SHANK2: variants seen among roughly 807,000 people sequenced by gnomAD.
SHANK2 encodes SH3 and multiple ankyrin repeat domains 2.
Under a neutral mutation model 133.7 loss-of-function variants are expected in SHANK2, and 43 were observed. That is an observed-to-expected ratio of 0.32 (90% CI 0.25 to 0.41). The LOEUF (loss-of-function observed/expected upper bound fraction) is 0.41. Ranked by LOEUF, SHANK2 falls within the 10% of genes least tolerant of loss-of-function variation. The probability of loss-of-function intolerance (pLI) is 1.00; values close to 1 mark genes in which losing one functional copy is unlikely to be tolerated. For synonymous variants in SHANK2, 1,017 were observed against 952.8 expected, an observed-to-expected ratio of 1.07 and a Z score of -1.24; for missense variants, 1,994 against 2,235.8, an observed-to-expected ratio of 0.89 and a Z score of 2.18.
chr11:71,060,844 C>T (rs987688656), intron 9 of SHANK2, among the ~76,000 whole-genome samples: 8 of 152,280 alleles, frequency 5.3e-5, no homozygotes, highest in South Asian at 2.1e-4. Context: ...TATAGGGTGA[C>T]GCTCCGCACA....
In SHANK2 at chr11:70,882,342, C is replaced by T. The variant is rs151018663; in HGVS notation, c.1174+14159G>A. ...GCAGTGTGGAAGGCAGGCAGAAAGG[C>T]CCCTGGGCTGTGCCTGTAGCTAGGA... is the stretch of plus-strand genomic sequence containing the variant. On this transcript the variant is annotated intron_variant, in intron 11 of 25. Coordinates refer to ENST00000601538, the MANE Select transcript of SHANK2 (RefSeq NM_012309.5). This position sits in a 1 kb window ranked among gnomAD's most constrained non-coding sequence, Gnocchi z 4.2. Among the ~76,000 whole-genome samples, 1,149 of 152,280 alleles carry T rather than the reference C, an allele frequency of 7.5e-3. 6 individuals are homozygous for T. Among genetic ancestry groups the T allele is most frequent in the Non-Finnish European group, 0.013 (855 of 68,020 alleles).
intron 17 of SHANK2, among the ~76,000 whole-genome samples, chr11:70,602,012 T>C (rs1216741492): frequency 1.3e-5 from 2 of 152,204 alleles, no homozygotes; most frequent in Non-Finnish European, 2.9e-5. Flanking sequence ...AGGTGGGGCC[T>C]GGCAGGAGGT....
chr11:70,507,792 C>T (rs1168664745), intron 17 of SHANK2, among the ~76,000 whole-genome samples: 1 of 152,208 alleles, frequency 6.6e-6, no homozygotes, highest in Non-Finnish European at 1.5e-5. Context: ...CAATGAAGAG[C>T]CAGTTCCAGC....
chr11:70,562,764 A>T (rs1431481782), intron 17 of SHANK2, among the ~76,000 whole-genome samples: 2 of 152,228 alleles, frequency 1.3e-5, no homozygotes, highest in Non-Finnish European at 2.9e-5. Context: ...GATTATTGAT[A>T]GGAAGTTTAA....
rs570656660 is a variant in SHANK2, at chr11:70,540,431, C to G, written c.2062-37500G>C. On this transcript the variant is annotated intron_variant, in intron 17 of 25. Coordinates refer to ENST00000601538, the MANE Select transcript of SHANK2 (RefSeq NM_012309.5). ...GGCAGGCTGGGGCTCCTCTCTCCTG[C>G]GGAGTCGGAGTGATGAGGACCATTC... Among the ~76,000 whole-genome samples the G allele has an allele frequency of 1.1e-4, 17 of 152,220 alleles. No homozygotes were observed. The South Asian group carries it at 3.5e-3, about 32-fold the overall frequency.
intron 14 of SHANK2, among the ~76,000 whole-genome samples, chr11:70,732,815 G>A (rs1046854766): frequency 3.3e-5 from 5 of 152,222 alleles, no homozygotes; most frequent in Admixed American, 3.3e-4. Flanking sequence ...CCCTGCAGCT[G>A]CTTCACATCC....
Position 70,473,177 on chromosome 11 carries a change from G to C in SHANK2, c.5242C>G (p.Pro1748Ala), listed in dbSNP as rs370834280. The change falls in exon 26 of 26, where the codon CCT becomes GCT. Residue 1748 changes from proline (P) to alanine (A), a missense_variant. Pro to Ala is a conservative substitution (Grantham distance 27, BLOSUM62 -1). Coordinates refer to ENST00000601538, the MANE Select transcript of SHANK2 (RefSeq NM_012309.5). This position sits in a 1 kb window ranked among gnomAD's most constrained non-coding sequence, Gnocchi z 5.9. ...TTCAAGCCAAATAGATCCCCAGAAGGGGGCTGGCTTGGAAGGCTAAAGACA... is the reference window on the plus strand; with the variant it reads ...TTCAAGCCAAATAGATCCCCAGAAGCGGGCTGGCTTGGAAGGCTAAAGACA... ...SDVFSLPSQP[P>A]SGDLFGLNPA... The C allele has an allele frequency of 1.2e-6, 2 of 1,613,590 alleles. No individual in the cohort carries two copies. The highest frequency in any genetic ancestry group is 2.2e-5 in the South Asian group (2 of 91,086).
intron 11 of SHANK2, among the ~76,000 whole-genome samples, chr11:70,879,765 C>T (rs944059659): frequency 6.6e-6 from 1 of 152,176 alleles, no homozygotes; most frequent in African/African-American, 2.4e-5. Context: ...AGGACACCGG[C>T]GGTGGGACCC....
rs116704492 is a variant in SHANK2 at position 70,703,463 on chromosome 11, C to T, written c.1778-4700G>A. Reference sequence around the variant, plus strand: ...CCTGGAAAAAGCGGGGTGGGCTAGACGGCCCTTGGGACCCTGCCCCCAGTG... The same window carrying T: ...CCTGGAAAAAGCGGGGTGGGCTAGATGGCCCTTGGGACCCTGCCCCCAGTG... On this transcript the variant is annotated intron_variant, in intron 14 of 25. Transcript: ENST00000601538. Among the ~76,000 whole-genome samples, 1,121 of 152,286 alleles carry T rather than the reference C, an allele frequency of 7.4e-3. 9 individuals are homozygous for T. Among genetic ancestry groups the T allele is most frequent in the African/African-American group, 0.025 (1,044 of 41,544 alleles).
At chr11:70,602,343 CAG>C (rs1189294485) in intron 17 of SHANK2, among the ~76,000 whole-genome samples, 3 of 152,240 alleles carry the variant, frequency 2.0e-5, no homozygotes. Flanking sequence ...CAACTCCCTG[CAG>C]AGAGGTCTCG....
At chr11:71,119,078 C>A in intron 3 of SHANK2, 46 bp from the exon 4 acceptor site, 1 of 1,524,514 alleles carries the variant, frequency 6.6e-7, no homozygotes, top group East Asian at 2.5e-5. Context: ...GAGGACGCTA[C>A]CTGAGTCACC....
intron 17 of SHANK2, among the ~76,000 whole-genome samples, chr11:70,506,163 C>T (rs895920096): frequency 2.0e-5 from 3 of 152,194 alleles, no homozygotes; most frequent in Non-Finnish European, 4.4e-5. Flanking sequence ...AGGACCTTGG[C>T]GGCCCCAGCA....
intron 10 of SHANK2, among the ~76,000 whole-genome samples, chr11:70,925,865 A>C (rs1348525966): frequency 1.3e-5 from 2 of 152,224 alleles, no homozygotes; most frequent in Non-Finnish European, 2.9e-5. Context: ...GGAGAAACAC[A>C]GTGTTAGGTT....
At chr11:70,592,189 G>A (rs1055924845) in intron 17 of SHANK2, among the ~76,000 whole-genome samples, 3 of 152,084 alleles carry the variant, frequency 2.0e-5, no homozygotes, top group Admixed American at 1.3e-4. Context: ...GCTGACCGCC[G>A]GCCTCCTCAC....
At chr11:71,081,825 C>T (rs1951304846) in intron 8 of SHANK2, among the ~76,000 whole-genome samples, 1 of 152,192 alleles carries the variant, frequency 6.6e-6, no homozygotes, top group Admixed American at 6.5e-5. Flanking sequence ...GACACGGGGG[C>T]CACAGAGGCT....
intron 2 of SHANK2, among the ~76,000 whole-genome samples, chr11:71,163,898 T>C (rs1447626316): frequency 2.0e-5 from 3 of 152,218 alleles, no homozygotes; most frequent in Non-Finnish European, 2.9e-5. Flanking sequence ...CACTTCTAAA[T>C]TAATAGGCTT....
intron 9 of SHANK2, among the ~76,000 whole-genome samples, chr11:71,068,226 A>G (rs1951093451): frequency 6.6e-6 from 1 of 152,262 alleles, no homozygotes; most frequent in Admixed American, 6.5e-5. Flanking sequence ...TGATGTACAC[A>G]AGTAGTCTCA....
chr11:71,217,652 A>G (rs1565521500), intron 2 of SHANK2, among the ~76,000 whole-genome samples: 3 of 152,196 alleles, frequency 2.0e-5, no homozygotes, highest in Non-Finnish European at 4.4e-5. Flanking sequence ...GGTGAAAGAC[A>G]ATGGTATTGA....
chr11:70,661,064 G>C (rs2061480627), intron 16 of SHANK2, among the ~76,000 whole-genome samples: 1 of 152,230 alleles, frequency 6.6e-6, no homozygotes, highest in Non-Finnish European at 1.5e-5. Flanking sequence ...TCAGTCCACG[G>C]CAGAGGGGAC....
Sources: gnomAD v4.1 joint callset for allele counts (sites outside exome capture counted in the v4.1 genomes callset) on GRCh38, gnomAD v4.1.1 for gene constraint, Gnocchi (gnomAD v3.1) non-coding constraint, MANE v1.5 for transcripts, NCBI Gene and HGNC (gene_info 2026-07-23, HGNC 2026-07-21) for gene names.